MRC1: variants seen among roughly 807,000 people sequenced by gnomAD.
The protein encoded by MRC1 is mannose receptor C-type 1.
Under a neutral mutation model 102.9 loss-of-function variants are expected in MRC1, and 62 were observed. The ratio of observed to expected loss-of-function variants is 0.60; its 90% CI spans 0.49 to 0.74. The LOEUF is 0.74. Among genes scored for constraint, MRC1 ranks in the 30% least tolerant of loss-of-function variants. The pLI, the probability that MRC1 is intolerant of heterozygous loss-of-function variation, is 0.00. For missense variants in MRC1, 1,237 were observed against 862.8 expected (o/e 1.43, Z -5.43); for synonymous variants, 457 against 298.4 (o/e 1.53, Z -5.48).
chr10:17,909,569 T>C (rs1833941897), intron 29 of MRC1, among the ~76,000 whole-genome samples: 1 of 152,146 alleles, frequency 6.6e-6, no homozygotes, highest in South Asian at 2.1e-4. Flanking sequence ...GAAGGCATTT[T>C]TTTTTTTCGC....
chr10:17,901,090 A>G, intron 25 of MRC1, 137 bp downstream of exon 25: 1 of 676,148 alleles, frequency 1.5e-6, no homozygotes. Flanking sequence ...TCACCTATCA[A>G]AAGACTATCT....
chr10:17,823,278 A>G lies in MRC1; in HGVS notation c.266A>G (p.Tyr89Cys), dbSNP rs369459730. 3.8e-6 allele frequency: 3 copies of G among 780,538 alleles called. No individual in the cohort carries two copies. In the African/African-American group the frequency reaches 5.1e-5, roughly 13 times the overall value. 48.4% of individuals were successfully genotyped at this position (780,538 alleles called of 1,614,324 possible). A position where few individuals can be genotyped will look rare whatever the true frequency, so the allele number is the denominator to read the frequency against. The change falls in exon 2 of 30, where the codon TAT becomes TGT. Residue 89 changes from tyrosine to cysteine, a missense_variant. Physicochemically the swap from Tyr to Cys is radical, Grantham distance 194. Coordinates refer to ENST00000569591, the MANE Select transcript of MRC1 (RefSeq NM_002438.4). The stretch of plus-strand genomic sequence containing the variant: ...ACGGACTGGGTTGCTATCACTCTCT[A>G]TGCCTGTGACTCAAAAAGTGAATTT... ...SKTDWVAITL[Y>C]ACDSKSEFQK...
intron 6 of MRC1, 105 bp downstream of exon 6, chr10:17,845,540 A>C: frequency 1.3e-6 from 1 of 753,916 alleles, no homozygotes; most frequent in Non-Finnish European, 2.5e-6. Flanking sequence ...GGTTTTGTGG[A>C]TAGTTGATGG....
chr10:17,850,333 C>T (rs1442534557), intron 7 of MRC1, among the ~76,000 whole-genome samples: 23 of 147,154 alleles, frequency 1.6e-4, no homozygotes, highest in African/African-American at 5.3e-4. Context: ...GCTACGGTGG[C>T]TCATGCCTGT....
intron 1 of MRC1, among the ~76,000 whole-genome samples, chr10:17,816,500 C>T (rs1411166022): frequency 5.3e-5 from 8 of 152,140 alleles, no homozygotes; most frequent in Non-Finnish European, 7.4e-5. Flanking sequence ...GAGCCGTCAG[C>T]GGTTCTCCTT....
At chr10:17,846,198 G>A (rs1366204957) in intron 6 of MRC1, among the ~76,000 whole-genome samples, 4 of 151,700 alleles carry the variant, frequency 2.6e-5, no homozygotes, top group African/African-American at 7.3e-5. Flanking sequence ...ATGAGCCACC[G>A]TGCCTGGCCT....
At chr10:17,873,291 C>A (rs879991608) in intron 15 of MRC1, among the ~76,000 whole-genome samples, 8 of 152,066 alleles carry the variant, frequency 5.3e-5, no homozygotes, top group Non-Finnish European at 1.0e-4. Context: ...CACATTTAAT[C>A]GTTTCAAATC....
At chr10:17,853,944 T>G (rs930754380) in intron 8 of MRC1, among the ~76,000 whole-genome samples, 2 of 150,566 alleles carry the variant, frequency 1.3e-5, no homozygotes, top group Non-Finnish European at 3.0e-5. Flanking sequence ...GGATATGAGG[T>G]TTTTTTTTTT....
chr10:17,893,213 T>A (rs2130708124), intron 22 of MRC1, among the ~76,000 whole-genome samples: 1 of 144,756 alleles, frequency 6.9e-6, no homozygotes, highest in East Asian at 2.3e-4. Flanking sequence ...TGGAGTGCAG[T>A]GGTATGGTCA....
At chr10:17,829,952 C>G (rs1838544176) in intron 3 of MRC1, among the ~76,000 whole-genome samples, 1 of 151,294 alleles carries the variant, frequency 6.6e-6, no homozygotes, top group Non-Finnish European at 1.5e-5. Context: ...CCTTCACTGT[C>G]AAATTATATA....
intron 22 of MRC1, among the ~76,000 whole-genome samples, chr10:17,890,699 T>A (rs1833659270): frequency 6.6e-6 from 1 of 152,218 alleles, no homozygotes; most frequent in Admixed American, 6.5e-5. Context: ...TGTGTGTTTT[T>A]AAAAAATCTT....
At chr10:17,818,921 A>G (rs1260606177) in intron 1 of MRC1, among the ~76,000 whole-genome samples, 4 of 152,172 alleles carry the variant, frequency 2.6e-5, no homozygotes, top group Non-Finnish European at 4.4e-5. Flanking sequence ...TGAGGAGCTG[A>G]AAGGTGGTGT....
At position 17,906,983 on chromosome 10, in the gene MRC1, G is replaced by T; in HGVS notation, c.3897G>T (p.Leu1299Phe). 1.3e-6 allele frequency: 1 copy of T among 784,688 alleles called. No homozygotes were observed. The highest frequency in any genetic ancestry group is 2.4e-6 in the Non-Finnish European group (1 of 421,502). The allele number at this position is 784,688 out of a possible 1,614,324, so 48.6% of individuals were successfully genotyped here. A position where few individuals can be genotyped will look rare whatever the true frequency, so the allele number is the denominator to read the frequency against. ...GTAAAACCAATTTTTGGATAGGATT[G>T]TTCAGAAATGTTGAAGGTAATTTTT... ...LKSKTNFWIG[L>F]FRNVEGTWLW... The change falls in exon 27 of 30, where the codon TTG (leucine) becomes TTT (phenylalanine). Residue 1299 changes from leucine to phenylalanine, a missense_variant. Transcript: ENST00000569591.
chr10:17,882,411 G>A (rs2130693487), intron 21 of MRC1, among the ~76,000 whole-genome samples: 1 of 152,262 alleles, frequency 6.6e-6, no homozygotes, highest in African/African-American at 2.4e-5. Flanking sequence ...TGGCTGGTAT[G>A]TAGTATAGAA....
chr10:17,809,426 C>G lies in MRC1; in HGVS notation c.-40C>G, dbSNP rs1042917244. 1.3e-4 allele frequency: 110 copies of G among 872,256 alleles called. No homozygotes were observed. The highest frequency in any genetic ancestry group is 2.1e-4 in the Non-Finnish European group (104 of 501,218). 54.0% of individuals were successfully genotyped at this position (872,256 alleles called of 1,614,324 possible). On this transcript the variant is annotated 5_prime_UTR_variant, in exon 1 of 30. Transcript: ENST00000569591. Reference sequence around the variant, plus strand: ...CGTTGTTTTGCGTCTTAGTTCCGCCCTCCTGTCCATCAGGAGAAGGAAAGG... The same window carrying G: ...CGTTGTTTTGCGTCTTAGTTCCGCCGTCCTGTCCATCAGGAGAAGGAAAGG...
chr10:17,867,865 G>A (rs1833299076), intron 12 of MRC1, among the ~76,000 whole-genome samples: 1 of 152,154 alleles, frequency 6.6e-6, no homozygotes, highest in Non-Finnish European at 1.5e-5. Context: ...ATTCTAAAGA[G>A]AGTCCTCCCT....
chr10:17,834,966 A>G (rs1838641190), intron 4 of MRC1, among the ~76,000 whole-genome samples: 4 of 152,190 alleles, frequency 2.6e-5, no homozygotes, highest in African/African-American at 2.4e-5. Flanking sequence ...TGCCATGTTC[A>G]AAAAACCCCT....
Position 17,907,066 on chromosome 10 carries a change from G to A in MRC1, c.3913+67G>A, listed in dbSNP as rs976957745. The stretch of plus-strand genomic sequence containing the variant: ...AATGTTGTATGTAAAACAAGGTTTC[G>A]TTTCCAAAATGTGTTGCCTTAAAAA... On this transcript the variant is annotated intron_variant, in intron 27 of 29. Coordinates refer to ENST00000569591, the MANE Select transcript of MRC1 (RefSeq NM_002438.4). 24 of 762,800 alleles carry A rather than the reference G, an allele frequency of 3.1e-5. 1 individual carries two copies. The highest frequency in any genetic ancestry group is 4.2e-5 in the South Asian group (3 of 71,594). The allele number at this position is 762,800 out of a possible 1,614,324, so 47.3% of individuals were successfully genotyped here.
chr10:17,881,670 ATTTTT>A (rs1184943960), intron 21 of MRC1, among the ~76,000 whole-genome samples: 106 of 102,770 alleles, frequency 1.0e-3, no homozygotes, highest in African/African-American at 1.7e-3. Flanking sequence ...ACAAATTTTG[ATTTTT>A]TTTTTTTTTT....
Sources: allele counts gnomAD v4.1 joint callset (sites outside exome capture counted in the v4.1 genomes callset), GRCh38; gene constraint gnomAD v4.1.1; transcripts MANE v1.5; gene names NCBI Gene and HGNC (gene_info 2026-07-23, HGNC 2026-07-21).